The following KEL variants were observed in gnomAD, a reference collection of about 807,000 sequenced individuals.
KEL encodes kell blood group glycoprotein.
KEL carries 96 observed loss-of-function variants against 99.5 expected under a neutral mutation model. That is an observed-to-expected ratio of 0.97 (90% CI 0.82 to 1.14). The LOEUF (loss-of-function observed/expected upper bound fraction) is 1.14. Among genes scored for constraint, KEL ranks in the 50% most tolerant of loss-of-function variants. The probability of loss-of-function intolerance (pLI) is 0.00; values close to 1 mark genes in which losing one functional copy is unlikely to be tolerated. For synonymous variants in KEL, 355 were observed against 354.8 expected (o/e 1.00, Z -0.01); for missense variants, 926 against 924.2 (o/e 1.00, Z -0.03).
At chr7:142,944,460 C>G in intron 12 of KEL, 60 bp from the exon 13 acceptor site, 1 of 1,421,010 alleles carries the variant, frequency 7.0e-7, no homozygotes, top group Non-Finnish European at 1.0e-6. Flanking sequence ...GGAAATTTCT[C>G]CCACTCGTTG....
intron 4 of KEL, among the ~76,000 whole-genome samples, 177 bp downstream of exon 4, chr7:142,960,751 T>A (rs576157587): frequency 6.6e-6 from 1 of 152,170 alleles, no homozygotes; most frequent in African/African-American, 2.4e-5. Context: ...CCCAGGCAGC[T>A]CCCGCCATCC....
chr7:142,961,263 G>C (rs1160710974), intron 3 of KEL, 97 bp downstream of exon 3: 7 of 1,574,526 alleles, frequency 4.4e-6, no homozygotes, highest in Non-Finnish European at 6.1e-6. Flanking sequence ...GGACCCCAAG[G>C]GTCAGGGTGG....
In KEL at chr7:142,954,358, G is replaced by A; in HGVS notation, c.750C>T (p.Tyr250=). 2 of 1,614,156 alleles carry A rather than the reference G, an allele frequency of 1.2e-6. No homozygotes were observed. Among genetic ancestry groups the A allele is most frequent in the Non-Finnish European group, 1.7e-6 (2 of 1,180,042 alleles). Residue 250 remains tyrosine (Y), a synonymous_variant, in exon 8 of 19, where the codon TAC becomes TAT. Coordinates refer to ENST00000355265, the MANE Select transcript of KEL (RefSeq NM_000420.3). ...QKIYAQIFRE[Y]LTYLNQLGTL... is the part of the protein sequence containing the mutation. ...TTCCCAGCTGATTCAGGTAAGTCAG[G>A]TATTCCCGAAAGATCTGGAGGAAGG...
At chr7:142,944,832 T>G (rs1796478826) in intron 11 of KEL, 91 bp from the exon 12 acceptor site, 1 of 1,043,474 alleles carries the variant, frequency 9.6e-7, no homozygotes, top group Admixed American at 1.9e-5. Context: ...GGAAAAGGGC[T>G]TGGCCCCAAG....
intron 6 of KEL, 106 bp downstream of exon 6, chr7:142,957,721 A>G (rs777337978): frequency 7.2e-7 from 1 of 1,393,626 alleles, no homozygotes; most frequent in East Asian, 2.3e-5. Context: ...TTCCTATATC[A>G]CACAGGTGTC....
intron 10 of KEL, among the ~76,000 whole-genome samples, chr7:142,947,710 A>G (rs191024392): frequency 2.6e-5 from 4 of 152,218 alleles, no homozygotes; most frequent in Admixed American, 2.6e-4. Context: ...ACCACCAGAG[A>G]TGAAGTTTTG....
intron 16 of KEL, 36 bp from the exon 17 acceptor site, chr7:142,943,080 G>T (rs369564583): frequency 1.0e-4 from 166 of 1,611,256 alleles, no homozygotes; most frequent in Non-Finnish European, 1.3e-4. Context: ...TACAGCAAGA[G>T]AACATAGGGT....
In KEL at chr7:142,946,370, CTG is replaced by C. The variant is rs796815789; in HGVS notation, c.1204-55_1204-54del. The C allele has an allele frequency of 3.7e-6, 5 of 1,369,282 alleles. No homozygotes were observed. In the African/African-American group the frequency reaches 7.1e-5, roughly 19 times the overall value. 84.8% of individuals were successfully genotyped at this position (1,369,282 alleles called of 1,614,324 possible). A position where few individuals can be genotyped will look rare whatever the true frequency, so the allele number is the denominator to read the frequency against. On this transcript the variant is annotated intron_variant, in intron 10 of 18. Transcript: ENST00000355265. ...CTCCTGTTCAGGACTCTTTCCTCAT[CTG>C]TCTCCCCAGTCTTCACTAGATCTTC...
At chr7:142,941,809 CTT>C (rs1265633468) in intron 18 of KEL, among the ~76,000 whole-genome samples, 21 of 137,604 alleles carry the variant, frequency 1.5e-4, no homozygotes, top group Admixed American at 2.2e-4. Flanking sequence ...CTGTCGCAGG[CTT>C]TTTTTTTTTT....
chr7:142,956,123 A>G (rs1479470332), intron 6 of KEL, among the ~76,000 whole-genome samples: 1 of 152,120 alleles, frequency 6.6e-6, no homozygotes, highest in African/African-American at 2.4e-5. Context: ...CACTGATGAT[A>G]ATCACCCTCC....
rs1796522863 is a variant in KEL, at chr7:142,946,228, A to G, written c.1293T>C (p.Phe431=). The change falls in exon 11 of 19, where the codon TTT becomes TTC. Residue 431 remains phenylalanine, a synonymous_variant. Transcript: ENST00000355265. The part of the protein sequence containing the change: ...TLAALFVREA[F]GPSTRSAAMK... ...ATACAGCACTTCGGGTGCTCGGGCC[A>G]AAGGCCTCACGAACAAACAAAGCCG... The G allele has an allele frequency of 6.2e-7, 1 of 1,613,686 alleles. No homozygotes were observed. The highest frequency in any genetic ancestry group is 1.3e-5 in the African/African-American group (1 of 74,912).
Position 142,944,343 on chromosome 7 carries a change from C to A in KEL, c.1471G>T (p.Ala491Ser). The change falls in exon 13 of 19, where the codon GCC (alanine) becomes TCC (serine). Residue 491 changes from alanine (A) to serine (S), a missense_variant. Transcript: ENST00000355265. ...ASEWALKPEL[A>S]RQEYNDIQLG... ...CCCACATCGTTGTATTCTTGTCGGG[C>A]CAGCTCTGGCTTCAGGGCCCATTCT... 1 of 1,614,018 alleles carries A rather than the reference C, an allele frequency of 6.2e-7. No homozygotes were observed. The highest frequency in any genetic ancestry group is 1.1e-5 in the South Asian group (1 of 91,082).
chr7:142,942,239 T>G (rs28686902), intron 18 of KEL, 195 bp downstream of exon 18: 1 of 601,998 alleles, frequency 1.7e-6, no homozygotes, highest in Non-Finnish European at 3.0e-6. Context: ...CTGAACTAGG[T>G]AGAAGAACCT....
intron 10 of KEL, among the ~76,000 whole-genome samples, chr7:142,950,300 C>T (rs1486371381): frequency 6.6e-6 from 1 of 152,188 alleles, no homozygotes; most frequent in Non-Finnish European, 1.5e-5. Flanking sequence ...TGATTCCCTC[C>T]CCACTATTGT....
At position 142,944,403 on chromosome 7, in the gene KEL, G is replaced by A; in HGVS notation, c.1414-3C>T. On this transcript the variant is annotated splice_polypyrimidine_tract_variant and splice_region_variant and intron_variant, in intron 12 of 18. Coordinates refer to ENST00000355265, the MANE Select transcript of KEL (RefSeq NM_000420.3). ...ATCTCCACCTGCAGTTGAGCAACCT[G>A]GAGAGAGACACAGAAGAGGCTAGGA... is the stretch of plus-strand genomic sequence containing the variant. 6.2e-7 allele frequency: 1 copy of A among 1,611,386 alleles called. No homozygotes were observed. The highest frequency in any genetic ancestry group is 1.1e-5 in the South Asian group (1 of 91,016).
At chr7:142,957,334 C>A (rs201332514) in intron 6 of KEL, among the ~76,000 whole-genome samples, 13 of 152,014 alleles carry the variant, frequency 8.6e-5, no homozygotes, top group Admixed American at 6.6e-4. Flanking sequence ...AAGGAATGTA[C>A]GGGAGATAAG....
intron 10 of KEL, among the ~76,000 whole-genome samples, chr7:142,949,889 A>G (rs866394090): frequency 6.6e-6 from 1 of 152,256 alleles, no homozygotes; most frequent in South Asian, 2.1e-4. Flanking sequence ...CCCAAGTTTC[A>G]TAAAAGAAAA....
At chr7:142,948,899 G>GACAC (rs72104159) in intron 10 of KEL, among the ~76,000 whole-genome samples, 8,583 of 142,216 alleles carry the variant, frequency 0.06, 253 homozygotes, top group African/African-American at 0.077. Context: ...AAGCTTCACA[G>GACAC]ACACACACAC....
intron 12 of KEL, 103 bp downstream of exon 12, chr7:142,944,540 G>T: frequency 8.4e-7 from 1 of 1,188,608 alleles, no homozygotes. Flanking sequence ...CTTAGCATGT[G>T]CCTGGGGGGG....
Sources: gnomAD v4.1 joint callset for allele counts (sites outside exome capture counted in the v4.1 genomes callset) on GRCh38, gnomAD v4.1.1 for gene constraint, MANE v1.5 for transcripts, NCBI Gene and HGNC (gene_info 2026-07-23, HGNC 2026-07-21) for gene names.